The following AGBL4 variants were observed in gnomAD, a reference collection of about 807,000 sequenced individuals.
The protein encoded by AGBL4 is cytosolic carboxypeptidase 6.
Under a neutral mutation model 66.4 loss-of-function variants are expected in AGBL4, and 58 were observed. The ratio of observed to expected loss-of-function variants is 0.87; its 90% CI spans 0.71 to 1.09. AGBL4 has a LOEUF of 1.09. Ranked by LOEUF, AGBL4 falls within the 50% of genes least tolerant of loss-of-function variation. The pLI is 0.00. For synonymous variants in AGBL4, 234 were observed against 222.9 expected (o/e 1.05, Z -0.44); for missense variants, 579 against 631.0 (o/e 0.92, Z 0.88).
chr1:49,664,099 A>G (rs1646319429), intron 3 of AGBL4, among the ~76,000 whole-genome samples: 1 of 152,044 alleles, frequency 6.6e-6, no homozygotes, highest in Admixed American at 6.6e-5. Context: ...AATTCAGGGG[A>G]TAAGTCCTAA....
chr1:49,005,485 A>G (rs1661715766), intron 5 of AGBL4, among the ~76,000 whole-genome samples: 1 of 152,174 alleles, frequency 6.6e-6, no homozygotes, highest in South Asian at 2.1e-4. Context: ...TTAGTCACTG[A>G]GTAGCCATCT....
At chr1:49,374,292 A>G (rs1227965683) in intron 3 of AGBL4, 1 of 151,650 alleles carries the variant, frequency 6.6e-6, no homozygotes, top group Non-Finnish European at 1.5e-5. Context: ...CAGTTGTCCT[A>G]CTTTTTCAGA....
At chr1:48,785,268 C>T (rs1232188654) in intron 6 of AGBL4, among the ~76,000 whole-genome samples, 1 of 152,156 alleles carries the variant, frequency 6.6e-6, no homozygotes, top group Non-Finnish European at 1.5e-5. Flanking sequence ...AGAGAAGTGA[C>T]CATATCTGTT....
intron 3 of AGBL4, among the ~76,000 whole-genome samples, chr1:49,616,585 T>A (rs1462321274): frequency 6.6e-6 from 1 of 152,192 alleles, no homozygotes; most frequent in African/African-American, 2.4e-5. Flanking sequence ...AATTTATAAC[T>A]CAGCTCAAAT....
At chr1:48,525,842 G>A in the AGBL4 span, among the ~76,000 whole-genome samples, 3 of 152,162 alleles carry the variant, frequency 2.0e-5, no homozygotes, top group Non-Finnish European at 4.4e-5. Context: ...AAGACTTTGG[G>A]ATATTTCCTG....
chr1:48,719,369 TAAG>T (rs144660238), intron 6 of AGBL4, among the ~76,000 whole-genome samples: 16,229 of 152,194 alleles, frequency 0.11, 987 homozygotes, highest in East Asian at 0.15. Context: ...TGCCAGCACT[TAAG>T]GAGGAAGGGG....
chr1:48,583,931 C>A (rs1293850663), intron 11 of AGBL4: 1 of 151,046 alleles, frequency 6.6e-6, no homozygotes, highest in East Asian at 1.9e-4. Context: ...GCCTGAGCTT[C>A]CCTGGTGCAG....
chr1:49,718,798 T>TA (rs1245049377), intron 2 of AGBL4, among the ~76,000 whole-genome samples: 1 of 152,034 alleles, frequency 6.6e-6, no homozygotes, highest in Non-Finnish European at 1.5e-5. Context: ...GAAGATCCTG[T>TA]AAAAAACATT....
intron 3 of AGBL4, among the ~76,000 whole-genome samples, chr1:49,300,413 C>T (rs979908465): frequency 6.6e-6 from 1 of 152,050 alleles, no homozygotes; most frequent in Admixed American, 6.6e-5. Flanking sequence ...ACAAAAACAG[C>T]CTAGATATGT....
chr1:49,327,068 C>T (rs1212788930), intron 3 of AGBL4, among the ~76,000 whole-genome samples: 2 of 152,164 alleles, frequency 1.3e-5, no homozygotes, highest in East Asian at 1.9e-4. Context: ...CTGCTTCTCT[C>T]ATGTCTCCTC....
intron 5 of AGBL4, among the ~76,000 whole-genome samples, chr1:48,959,943 C>T (rs866522150): frequency 1.3e-5 from 2 of 152,248 alleles, no homozygotes; most frequent in African/African-American, 4.8e-5. Context: ...GATGAGAAGC[C>T]ACTGAGGGAT....
At chr1:48,667,091 C>A (rs766014034) in intron 6 of AGBL4, among the ~76,000 whole-genome samples, 1 of 152,192 alleles carries the variant, frequency 6.6e-6, no homozygotes, top group Non-Finnish European at 1.5e-5. Context: ...AGATTAAAAT[C>A]ACCCTATATG....
chr1:49,332,067 G>C (rs1645346254), intron 3 of AGBL4, among the ~76,000 whole-genome samples: 1 of 152,174 alleles, frequency 6.6e-6, no homozygotes, highest in South Asian at 2.1e-4. Context: ...AGGAGAGAGA[G>C]GCAAGGAAAG....
chr1:49,200,687 G>A (rs932479679), intron 4 of AGBL4, among the ~76,000 whole-genome samples: 18 of 152,192 alleles, frequency 1.2e-4, no homozygotes, highest in African/African-American at 4.3e-4. Flanking sequence ...GGATACAGAT[G>A]AATAGACAGA....
chr1:49,921,252 G>T (rs566505505), intron 1 of AGBL4, among the ~76,000 whole-genome samples: 2 of 145,152 alleles, frequency 1.4e-5, no homozygotes, highest in African/African-American at 5.1e-5. Context: ...TTAAAAAAAA[G>T]AAAAAAAAAC....
At chr1:49,272,780 A>G (rs1222479209) in intron 3 of AGBL4, among the ~76,000 whole-genome samples, 1 of 152,176 alleles carries the variant, frequency 6.6e-6, no homozygotes, top group Admixed American at 6.6e-5. Context: ...GTCTGTTTAT[A>G]TACTGTCTGT....
intron 11 of AGBL4, chr1:48,586,546 A>C: frequency 5.8e-6 from 1 of 171,892 alleles, no homozygotes; most frequent in Non-Finnish European, 1.2e-5. Context: ...AGTAGAGGGA[A>C]GAGAAAGTGG....
chr1:49,784,307 G>C (rs559148821), intron 2 of AGBL4, among the ~76,000 whole-genome samples: 2 of 152,208 alleles, frequency 1.3e-5, no homozygotes, highest in East Asian at 1.9e-4. Flanking sequence ...ATAGAACTGA[G>C]AGTCCAGAAA....
chr1:49,051,768 T>A (rs1056017497), intron 4 of AGBL4, among the ~76,000 whole-genome samples: 2 of 152,126 alleles, frequency 1.3e-5, no homozygotes, highest in African/African-American at 4.8e-5. Context: ...ATAATAGTAC[T>A]CCTGTCACCA....
Sources: gnomAD v4.1 joint callset for allele counts (sites outside exome capture counted in the v4.1 genomes callset) on GRCh38, gnomAD v4.1.1 for gene constraint, MANE v1.5 for transcripts, NCBI Gene and HGNC (gene_info 2026-07-23, HGNC 2026-07-21) for gene names.